PIP5K1C: variants seen among roughly 807,000 people sequenced by gnomAD.
PIP5K1C encodes the protein phosphatidylinositol 4-phosphate 5-kinase type-1 gamma.
PIP5K1C carries 45 observed loss-of-function variants against 80.1 expected under a neutral mutation model. The observed-to-expected ratio is 0.56, with a 90% CI of 0.44 to 0.72. The LOEUF (loss-of-function observed/expected upper bound fraction) is 0.72. PIP5K1C is among the 30% of genes least tolerant of loss of function. The pLI, the probability that PIP5K1C is intolerant of heterozygous loss-of-function variation, is 0.00. For synonymous variants in PIP5K1C, 498 were observed against 420.1 expected (o/e 1.19, Z -2.27); for missense variants, 753 against 954.6 (o/e 0.79, Z 2.78).
intron 7 of PIP5K1C, among the ~76,000 whole-genome samples, chr19:3,652,381 G>A (rs1199707760): frequency 6.6e-6 from 1 of 152,252 alleles, no homozygotes; most frequent in Non-Finnish European, 1.5e-5. Context: ...GGACGTGCCC[G>A]GCCTGACAGG....
In PIP5K1C at chr19:3,632,931, G is replaced by A. The variant is rs747835940; in HGVS notation, c.*236C>T. 3 of 526,406 alleles carry A rather than the reference G, an allele frequency of 5.7e-6. No individual in the cohort carries two copies. The highest frequency in any genetic ancestry group is 1.0e-5 in the Non-Finnish European group (3 of 298,190). The allele number at this position is 526,406 out of a possible 1,614,324, so 32.6% of individuals were successfully genotyped here. A position where few individuals can be genotyped will look rare whatever the true frequency, so the allele number is the denominator to read the frequency against. ...GCCAAATAAGGACTCAAATGCGATT[G>A]GCCGCTCGGGAGGGTGGGTCTCACA... On this transcript the variant is annotated 3_prime_UTR_variant, in exon 18 of 18. Transcript: ENST00000335312.
chr19:3,690,582 C>G (rs921110433), intron 1 of PIP5K1C, among the ~76,000 whole-genome samples: 1 of 151,984 alleles, frequency 6.6e-6, no homozygotes, highest in Non-Finnish European at 1.5e-5. Flanking sequence ...AAGACTTTCC[C>G]ATTCATGACA....
At chr19:3,684,238 ATAAT>A (rs2145584760) in intron 1 of PIP5K1C, among the ~76,000 whole-genome samples, 1 of 152,230 alleles carries the variant, frequency 6.6e-6, no homozygotes, top group Non-Finnish European at 1.5e-5. Flanking sequence ...TCTTTGCCTT[ATAAT>A]TAGAGGCATC....
At chr19:3,676,298 C>T (rs962347900) in intron 1 of PIP5K1C, among the ~76,000 whole-genome samples, 1 of 152,208 alleles carries the variant, frequency 6.6e-6, no homozygotes, top group Non-Finnish European at 1.5e-5. Flanking sequence ...AGCCCCAAGC[C>T]CAGCGAGTCG....
chr19:3,670,375 C>T (rs960467719), intron 1 of PIP5K1C, among the ~76,000 whole-genome samples: 1 of 151,840 alleles, frequency 6.6e-6, no homozygotes, highest in African/African-American at 2.4e-5. Flanking sequence ...ATAAGAGAAG[C>T]CGCTCAGGGA....
chr19:3,696,758 G>C lies in PIP5K1C; in HGVS notation c.94+3539C>G, dbSNP rs2036119614. 6.6e-6 allele frequency among the ~76,000 whole-genome samples: 1 copy of C among 151,926 alleles called. No homozygotes were observed. Among genetic ancestry groups the C allele is most frequent in the Admixed American group, 6.6e-5 (1 of 15,248 alleles). On this transcript the variant is annotated intron_variant, in intron 1 of 17. Transcript: ENST00000335312. This position sits in a 1 kb window ranked among gnomAD's most constrained non-coding sequence, Gnocchi z 4.1. Reference sequence around the variant, plus strand: ...GAGGGGAGGGCAGGGAGGGCAGGGAGGGCCCGGGGCAGGCTGTGCAGGGCC... The same window carrying C: ...GAGGGGAGGGCAGGGAGGGCAGGGACGGCCCGGGGCAGGCTGTGCAGGGCC...
At position 3,637,190 on chromosome 19, in the gene PIP5K1C, GAC is replaced by G. The variant is rs942297712; in HGVS notation, c.1920+1692_1920+1693del. The G allele has an allele frequency of 4.9e-6, 7 of 1,430,350 alleles. No homozygotes were observed. In the African/African-American group the frequency reaches 7.2e-5, roughly 15 times the overall value. 88.6% of individuals were successfully genotyped at this position (1,430,350 alleles called of 1,614,324 possible). ...GCACGAGTGAGAAGCGTCCACCCAAGACACCCTGACACGAGAGGGCTGGGTCC... is the reference window on the plus strand; with the variant it reads ...GCACGAGTGAGAAGCGTCCACCCAAGACCCTGACACGAGAGGGCTGGGTCC... On this transcript the variant is annotated intron_variant, in intron 16 of 17. Transcript: ENST00000335312. This position sits in a 1 kb window ranked among gnomAD's most constrained non-coding sequence, Gnocchi z 7.0.
Position 3,663,572 on chromosome 19 carries a change from G to A in PIP5K1C, c.219+1250C>T, listed in dbSNP as rs376548970. On this transcript the variant is annotated intron_variant, in intron 3 of 17. Transcript: ENST00000335312. ...CACGCACCTGGAATCCCGGCCAGTC[G>A]GGAGGCCGGGGTGGGAGGATCCCCT... Among the ~76,000 whole-genome samples the A allele has an allele frequency of 1.4e-3, 211 of 152,320 alleles. 1 individual carries two copies. The highest frequency in any genetic ancestry group is 4.9e-3 in the African/African-American group (203 of 41,572).
In PIP5K1C at chr19:3,671,710, G is replaced by A. The variant is rs547291330; in HGVS notation, c.95-4357C>T. Among the ~76,000 whole-genome samples, 207 of 152,282 alleles carry A rather than the reference G, an allele frequency of 1.4e-3. 1 individual carries two copies. The highest frequency in any genetic ancestry group is 4.8e-3 in the African/African-American group (201 of 41,548). On this transcript the variant is annotated intron_variant, in intron 1 of 17. Coordinates refer to ENST00000335312, the MANE Select transcript of PIP5K1C (RefSeq NM_012398.3). ...GAGTGTCCTGTGGAGGAGAGGGGAC[G>A]GGGAGAAAGCACAGCCTTGCTGCCA... is the stretch of plus-strand genomic sequence containing the variant.
chr19:3,671,033 C>T (rs979926427), intron 1 of PIP5K1C, among the ~76,000 whole-genome samples: 1 of 152,202 alleles, frequency 6.6e-6, no homozygotes, highest in Non-Finnish European at 1.5e-5. Context: ...GAACAATTCA[C>T]GGTTTTACGT....
rs187257985 is a variant in PIP5K1C at position 3,630,365 on chromosome 19, C to T, written c.*2802G>A. The T allele has an allele frequency of 3.6e-4, 55 of 152,674 alleles. No homozygotes were observed. The highest frequency in any genetic ancestry group is 1.0e-4 in the Non-Finnish European group (7 of 68,026). 9.5% of individuals were successfully genotyped at this position (152,674 alleles called of 1,614,324 possible). A position where few individuals can be genotyped will look rare whatever the true frequency, so the allele number is the denominator to read the frequency against. ...CTCGTCTCGGCGCTTTGGATTGTCA[C>T]GCACCAGACCACGGGGCGGAGGAAT... On this transcript the variant is annotated 3_prime_UTR_variant, in exon 18 of 18. Transcript: ENST00000335312.
At chr19:3,695,716 A>G (rs1203115114) in intron 1 of PIP5K1C, among the ~76,000 whole-genome samples, 2 of 148,052 alleles carry the variant, frequency 1.4e-5, no homozygotes, top group Non-Finnish European at 3.0e-5. Context: ...GAGACACCAC[A>G]ATCCCACTGA....
chr19:3,652,698 G>A (rs957815318), intron 7 of PIP5K1C, among the ~76,000 whole-genome samples: 2 of 152,214 alleles, frequency 1.3e-5, no homozygotes, highest in African/African-American at 4.8e-5. Context: ...GGCTCCACGG[G>A]GACAGGAGCC....
intron 1 of PIP5K1C, among the ~76,000 whole-genome samples, chr19:3,681,903 C>T (rs953435586): frequency 2.0e-5 from 3 of 152,100 alleles, no homozygotes; most frequent in Non-Finnish European, 4.4e-5. Context: ...CCTCTGGCCC[C>T]TCAGGCCCAC....
At chr19:3,660,876 CTGCCCCCAAA>C in intron 5 of PIP5K1C, 80 bp downstream of exon 5, 1 of 996,222 alleles carries the variant, frequency 1.0e-6, no homozygotes, top group South Asian at 1.3e-5. Context: ...CCCAGGGAGG[CTGCCCCCAAA>C]TGCCTGACCC....
intron 5 of PIP5K1C, among the ~76,000 whole-genome samples, chr19:3,660,372 T>C (rs1173818176): frequency 1.3e-5 from 2 of 149,556 alleles, no homozygotes; most frequent in African/African-American, 4.9e-5. Flanking sequence ...AGAGCGAGAC[T>C]CTGTCTCGAA....
intron 13 of PIP5K1C, 137 bp downstream of exon 13, chr19:3,643,106 T>C (rs1184040990): frequency 9.5e-6 from 14 of 1,475,848 alleles, no homozygotes; most frequent in Non-Finnish European, 1.3e-5. Context: ...CGCACCCACA[T>C]GCAGTGTATG....
Position 3,637,586 on chromosome 19 carries a change from A to G in PIP5K1C, c.1920+1298T>C. Reference sequence around the variant, plus strand: ...GCCCGCAGTCGGCGATGGCGGGGAGAGTAAATCCAGTACCTCCCATCCGTG... The same window carrying G: ...GCCCGCAGTCGGCGATGGCGGGGAGGGTAAATCCAGTACCTCCCATCCGTG... On this transcript the variant is annotated intron_variant, in intron 16 of 17. Transcript: ENST00000335312. This position sits in a 1 kb window ranked among gnomAD's most constrained non-coding sequence, Gnocchi z 7.0. 1 of 1,368,558 alleles carries G rather than the reference A, an allele frequency of 7.3e-7. No homozygotes were observed. The highest frequency in any genetic ancestry group is 9.6e-7 in the Non-Finnish European group (1 of 1,040,280). The allele number at this position is 1,368,558 out of a possible 1,614,324, so 84.8% of individuals were successfully genotyped here. A position where few individuals can be genotyped will look rare whatever the true frequency, so the allele number is the denominator to read the frequency against.
chr19:3,634,847 C>T (rs772100367), intron 16 of PIP5K1C, among the ~76,000 whole-genome samples: 3 of 152,236 alleles, frequency 2.0e-5, no homozygotes, highest in Non-Finnish European at 4.4e-5. Context: ...CCCTGGGCAC[C>T]GAGGGCAGCG....
Sources: gnomAD v4.1 joint callset for allele counts (sites outside exome capture counted in the v4.1 genomes callset) on GRCh38, gnomAD v4.1.1 for gene constraint, Gnocchi (gnomAD v3.1) non-coding constraint, MANE v1.5 for transcripts, NCBI Gene and HGNC (gene_info 2026-07-23, HGNC 2026-07-21) for gene names.